PRPSAP2: variants seen among roughly 807,000 people sequenced by gnomAD.
PRPSAP2 encodes the protein phosphoribosyl pyrophosphate synthetase associated protein 2, also known as phosphoribosyl pyrophosphate synthase-associated protein 2.
A neutral mutation model predicts 40.6 loss-of-function variants in PRPSAP2; 24 were observed. The observed-to-expected ratio is 0.59, with a 90% confidence interval of 0.43 to 0.83. The LOEUF (loss-of-function observed/expected upper bound fraction) is 0.83. Ranked by LOEUF, PRPSAP2 falls within the 40% of genes least tolerant of loss-of-function variation. The pLI, the probability that PRPSAP2 is intolerant of heterozygous loss-of-function variation, is 0.00. For missense variants in PRPSAP2, 292 were observed against 465.6 expected (o/e 0.63, Z 3.43); for synonymous variants, 149 against 164.7 (o/e 0.90, Z 0.73).
intron 9 of PRPSAP2, among the ~76,000 whole-genome samples, chr17:18,917,749 A>G (rs1340878459): frequency 6.6e-6 from 1 of 151,230 alleles, no homozygotes; most frequent in Non-Finnish European, 1.5e-5. Flanking sequence ...ATAGGGGAAG[A>G]GGAGGAGGGA....
chr17:18,883,403 C>CTTTTTTT (rs3043912), intron 7 of PRPSAP2, among the ~76,000 whole-genome samples: 2 of 134,254 alleles, frequency 1.5e-5, no homozygotes, highest in Admixed American at 7.8e-5. Context: ...GTTTTTCTTT[C>CTTTTTTT]TTTTTTTTTT....
In PRPSAP2 at chr17:18,877,702, G is replaced by A. The variant is rs765950480; in HGVS notation, c.244G>A (p.Val82Met). 1.7e-5 allele frequency: 27 copies of A among 1,604,768 alleles called. No homozygotes were observed. Among genetic ancestry groups the A allele is most frequent in the Non-Finnish European group, 2.2e-5 (26 of 1,177,032 alleles). The change falls in exon 6 of 12, where the codon GTG becomes ATG. Residue 82 changes from valine (V) to methionine (M), a missense_variant. Transcript: ENST00000268835. Reference protein sequence around the residue: ...VFIIQTVSKDVNTTIMELLIM... With the variant: ...VFIIQTVSKDMNTTIMELLIM... ...TTTGCTGTGTCTTTGTTACAGGGAC[G>A]TGAACACCACCATCATGGAGCTCCT... is the stretch of plus-strand genomic sequence containing the variant.
At chr17:18,872,990 C>T (rs187461575) in intron 5 of PRPSAP2, among the ~76,000 whole-genome samples, 7 of 151,510 alleles carry the variant, frequency 4.6e-5, no homozygotes, top group East Asian at 3.9e-4. Flanking sequence ...CTACAGTTGG[C>T]GCCACCACGC....
At chr17:18,892,239 C>A (rs80302634) in intron 8 of PRPSAP2, among the ~76,000 whole-genome samples, 1 of 146,870 alleles carries the variant, frequency 6.8e-6, no homozygotes, top group Non-Finnish European at 1.5e-5. Context: ...TTGATGGACA[C>A]TTTTTTTTTT....
intron 8 of PRPSAP2, among the ~76,000 whole-genome samples, chr17:18,898,653 A>T (rs2040070002): frequency 6.6e-6 from 1 of 152,164 alleles, no homozygotes; most frequent in African/African-American, 2.4e-5. Flanking sequence ...GTTGGTTATC[A>T]TGAATTATTT....
chr17:18,923,902 T>G lies in PRPSAP2; in HGVS notation c.734-12T>G. ...TATAAAAATTTTGGTGTGTGTGTTT[T>G]ATTCCAACCAGTGCTGATTCCTAAA... On this transcript the variant is annotated splice_polypyrimidine_tract_variant and intron_variant, in intron 9 of 11. Transcript: ENST00000268835. The G allele has an allele frequency of 6.2e-7, 1 of 1,603,436 alleles. No homozygotes were observed. The highest frequency in any genetic ancestry group is 8.5e-7 in the Non-Finnish European group (1 of 1,175,308).
intron 9 of PRPSAP2, among the ~76,000 whole-genome samples, chr17:18,916,591 A>T (rs1458221618): frequency 6.6e-6 from 1 of 152,096 alleles, no homozygotes; most frequent in East Asian, 1.9e-4. Flanking sequence ...CATGATGGTC[A>T]GGCTGGTCGC....
chr17:18,880,525 G>T (rs1315400102), intron 6 of PRPSAP2, among the ~76,000 whole-genome samples: 1 of 152,026 alleles, frequency 6.6e-6, no homozygotes, highest in Non-Finnish European at 1.5e-5. Context: ...TCCGACCTTA[G>T]CTTCCAGAGT....
intron 5 of PRPSAP2, among the ~76,000 whole-genome samples, chr17:18,875,009 T>C (rs2038171471): frequency 6.6e-6 from 1 of 152,154 alleles, no homozygotes; most frequent in South Asian, 2.1e-4. Flanking sequence ...TTCAGAAGGG[T>C]GACTGCTGAT....
At chr17:18,884,490 A>C (rs2038991408) in intron 7 of PRPSAP2, among the ~76,000 whole-genome samples, 1 of 152,052 alleles carries the variant, frequency 6.6e-6, no homozygotes, top group Non-Finnish European at 1.5e-5. Context: ...GAGGTGTGCC[A>C]CCACACCTAG....
intron 7 of PRPSAP2, among the ~76,000 whole-genome samples, chr17:18,886,255 C>T (rs2039134172): frequency 6.6e-6 from 1 of 152,146 alleles, no homozygotes; most frequent in Non-Finnish European, 1.5e-5. Context: ...GACGCTTTCT[C>T]CATCTCTTGT....
At chr17:18,879,551 TTAAG>T (rs2038569811) in intron 6 of PRPSAP2, among the ~76,000 whole-genome samples, 1 of 152,046 alleles carries the variant, frequency 6.6e-6, no homozygotes, top group Non-Finnish European at 1.5e-5. Flanking sequence ...CTTCCTGGGT[TTAAG>T]CGATTCACCT....
intron 8 of PRPSAP2, among the ~76,000 whole-genome samples, chr17:18,909,361 C>T (rs1426637421): frequency 2.0e-5 from 3 of 151,892 alleles, no homozygotes; most frequent in South Asian, 2.1e-4. Flanking sequence ...CCTGCCTCAG[C>T]CTCCTGAGTA....
chr17:18,868,472 T>A (rs2037591426), intron 4 of PRPSAP2, among the ~76,000 whole-genome samples: 1 of 151,222 alleles, frequency 6.6e-6, no homozygotes, highest in Admixed American at 6.6e-5. Context: ...GAGCGAGACT[T>A]TGTCTCAGGG....
At chr17:18,901,223 C>T (rs2040247504) in intron 8 of PRPSAP2, among the ~76,000 whole-genome samples, 1 of 152,166 alleles carries the variant, frequency 6.6e-6, no homozygotes, top group African/African-American at 2.4e-5. Context: ...TTTGTTGGAG[C>T]TTTTCTTGTC....
At chr17:18,901,244 G>T (rs1272796309) in intron 8 of PRPSAP2, among the ~76,000 whole-genome samples, 1 of 152,132 alleles carries the variant, frequency 6.6e-6, no homozygotes, top group African/African-American at 2.4e-5. Context: ...TTTGCCCACT[G>T]GCATTTTTGG....
Position 18,865,815 on chromosome 17 carries a change from GA to G in PRPSAP2, c.-15del. The G allele has an allele frequency of 6.9e-7, 1 of 1,454,770 alleles. No individual in the cohort carries two copies. Among genetic ancestry groups the G allele is most frequent in the Non-Finnish European group, 9.2e-7 (1 of 1,086,652 alleles). The allele number at this position is 1,454,770 out of a possible 1,614,324, so 90.1% of individuals were successfully genotyped here. On this transcript the variant is annotated 5_prime_UTR_variant, in exon 3 of 12. Transcript: ENST00000268835. ...ATATCCTTCTAGGCTCTGAAAATTG[GA>G]AAACCAAGAAGGTTTTGATGTTTTG...
Position 18,930,778 on chromosome 17 carries a change from C to T in PRPSAP2, c.*80C>T, listed in dbSNP as rs944781309. The stretch of plus-strand genomic sequence containing the variant: ...TCGGTGGGATGGATTTCACAGGAAC[C>T]GTCATGCTTGTTCCTCCCTCTCCCC... On this transcript the variant is annotated 3_prime_UTR_variant, in exon 12 of 12. Coordinates refer to ENST00000268835, the MANE Select transcript of PRPSAP2 (RefSeq NM_002767.4). 5.1e-5 allele frequency: 67 copies of T among 1,302,102 alleles called. No individual in the cohort carries two copies. The highest frequency in any genetic ancestry group is 2.8e-4 in the African/African-American group (19 of 67,980). The allele number at this position is 1,302,102 out of a possible 1,614,324, so 80.7% of individuals were successfully genotyped here. A position where few individuals can be genotyped will look rare whatever the true frequency, so the allele number is the denominator to read the frequency against.
chr17:18,908,216 C>CA, intron 8 of PRPSAP2: 1 of 685,836 alleles, frequency 1.5e-6, no homozygotes, highest in Non-Finnish European at 2.7e-6. Flanking sequence ...GCCACGGAGC[C>CA]AGCGACGGGA....
Sources: gnomAD v4.1 joint callset for allele counts (sites outside exome capture counted in the v4.1 genomes callset) on GRCh38, gnomAD v4.1.1 for gene constraint, MANE v1.5 for transcripts, NCBI Gene and HGNC (gene_info 2026-07-23, HGNC 2026-07-21) for gene names.